The following COG6 variants were observed in gnomAD, a reference collection of about 807,000 sequenced individuals.
COG6 encodes the protein conserved oligomeric Golgi complex subunit 6.
In COG6, 74 loss-of-function variants were observed where a neutral mutation model predicts 88.8. The observed-to-expected ratio is 0.83, with a 90% CI of 0.69 to 1.01. The LOEUF is 1.01. Among genes scored for constraint, COG6 ranks in the 50% least tolerant of loss-of-function variants. The probability of loss-of-function intolerance (pLI) is 0.00; values close to 1 mark genes in which losing one functional copy is unlikely to be tolerated. For synonymous variants in COG6, 286 were observed against 278.7 expected (o/e 1.03, Z -0.26); for missense variants, 800 against 797.9 (o/e 1.00, Z -0.03).
At chr13:39,669,455 C>A (rs1019933171) in intron 4 of COG6, among the ~76,000 whole-genome samples, 5 of 152,136 alleles carry the variant, frequency 3.3e-5, no homozygotes, top group African/African-American at 1.2e-4. Context: ...CAGTTGTTTG[C>A]AACTAATCGT....
At position 39,687,870 on chromosome 13, in the gene COG6, GT is replaced by G. The variant is rs1876756938; in HGVS notation, c.1009+73del. The stretch of plus-strand genomic sequence containing the variant: ...CACAAGCATCTCTGTTTCTGTTCTT[GT>G]TGCCATCTTCTTCACTTAGATAAAC... On this transcript the variant is annotated intron_variant, in intron 10 of 18. Transcript: ENST00000455146. The G allele has an allele frequency of 1.8e-5, 19 of 1,081,200 alleles. No homozygotes were observed. In the South Asian group the frequency reaches 2.5e-4, roughly 14 times the overall value. 67.0% of individuals were successfully genotyped at this position (1,081,200 alleles called of 1,614,324 possible). A position where few individuals can be genotyped will look rare whatever the true frequency, so the allele number is the denominator to read the frequency against.
intron 11 of COG6, among the ~76,000 whole-genome samples, chr13:39,691,393 AT>A (rs1162003973): frequency 6.6e-6 from 1 of 151,956 alleles, no homozygotes; most frequent in Non-Finnish European, 1.5e-5. Flanking sequence ...GTAGGACATT[AT>A]TGTGATCTGC....
chr13:39,695,626 A>T (rs909935021), intron 12 of COG6, among the ~76,000 whole-genome samples: 12 of 151,994 alleles, frequency 7.9e-5, no homozygotes, highest in Non-Finnish European at 1.2e-4. Context: ...AACTGTGGTA[A>T]GGTTATCACC....
At chr13:39,671,979 A>G (rs1210999557) in intron 4 of COG6, among the ~76,000 whole-genome samples, 1 of 151,934 alleles carries the variant, frequency 6.6e-6, no homozygotes, top group African/African-American at 2.4e-5. Flanking sequence ...AAGGCAGTGT[A>G]TTAATGCTCT....
At chr13:39,678,163 C>G (rs1407133419) in intron 5 of COG6, 1 of 398,652 alleles carries the variant, frequency 2.5e-6, no homozygotes, top group African/African-American at 2.1e-5. Flanking sequence ...ACCTCCCAGG[C>G]TCAAGTGATC....
At chr13:39,712,248 CTTATGGATCCCA>C (rs969609469) in intron 13 of COG6, among the ~76,000 whole-genome samples, 7 of 152,046 alleles carry the variant, frequency 4.6e-5, no homozygotes, top group African/African-American at 1.4e-4. Context: ...TAATACTGTA[CTTATGGATCCCA>C]TTCTTCCACG....
At chr13:39,727,722 G>T (rs907061244) in intron 18 of COG6, among the ~76,000 whole-genome samples, 174 bp downstream of exon 18, 1 of 152,042 alleles carries the variant, frequency 6.6e-6, no homozygotes, top group Non-Finnish European at 1.5e-5. Flanking sequence ...GAACATGTCT[G>T]TACTTATTCC....
At chr13:39,663,160 T>C (rs967126324) in intron 3 of COG6, among the ~76,000 whole-genome samples, 3 of 151,944 alleles carry the variant, frequency 2.0e-5, no homozygotes, top group Non-Finnish European at 2.9e-5. Flanking sequence ...TTAAGATAAA[T>C]GGAGATTGAG....
At chr13:39,697,604 C>T (rs923157241) in intron 12 of COG6, among the ~76,000 whole-genome samples, 1 of 152,054 alleles carries the variant, frequency 6.6e-6, no homozygotes, top group East Asian at 1.9e-4. Context: ...TAAGAGAACT[C>T]AACATTGCAT....
chr13:39,747,109 A>G (rs1282238751), intron 18 of COG6, among the ~76,000 whole-genome samples: 1 of 152,224 alleles, frequency 6.6e-6, no homozygotes, highest in African/African-American at 2.4e-5. Context: ...CAAGGCAACA[A>G]TAAGTGGCAG....
chr13:39,709,871 T>C (rs1446864263), intron 13 of COG6, among the ~76,000 whole-genome samples: 1 of 152,202 alleles, frequency 6.6e-6, no homozygotes, highest in Non-Finnish European at 1.5e-5. Flanking sequence ...CAGCACCATT[T>C]ATTGTAAAGG....
chr13:39,706,673 TA>T (rs1398289253), intron 13 of COG6, among the ~76,000 whole-genome samples: 1 of 151,806 alleles, frequency 6.6e-6, no homozygotes, highest in African/African-American at 2.4e-5. Flanking sequence ...ATGCTTTTTT[TA>T]AAAAAATTAT....
At chr13:39,770,561 C>G (rs1466113328) in intron 18 of COG6, among the ~76,000 whole-genome samples, 1 of 152,210 alleles carries the variant, frequency 6.6e-6, no homozygotes, top group Non-Finnish European at 1.5e-5. Context: ...CCTCACCCTG[C>G]CCCCTGTATT....
chr13:39,687,856 CTGTT>C, intron 10 of COG6, 57 bp downstream of exon 10: 1 of 1,208,464 alleles, frequency 8.3e-7, no homozygotes, highest in South Asian at 1.2e-5. Context: ...ACAAGCATCT[CTGTT>C]TCTGTTCTTG....
chr13:39,747,423 ATTC>A (rs1880404045), intron 18 of COG6, among the ~76,000 whole-genome samples: 1 of 152,054 alleles, frequency 6.6e-6, no homozygotes, highest in African/African-American at 2.4e-5. Flanking sequence ...GCAGTTCCTT[ATTC>A]TTTGCTTTTT....
intron 1 of COG6, among the ~76,000 whole-genome samples, chr13:39,658,029 C>A (rs570914069): frequency 2.0e-5 from 3 of 149,214 alleles, no homozygotes; most frequent in Non-Finnish European, 4.4e-5. Flanking sequence ...CCCAGTCAAG[C>A]AAGAAGCATA....
At chr13:39,727,245 T>G (rs1280134127) in intron 17 of COG6, among the ~76,000 whole-genome samples, 1 of 152,062 alleles carries the variant, frequency 6.6e-6, no homozygotes, top group Non-Finnish European at 1.5e-5. Flanking sequence ...GGATTCAGGA[T>G]TTTGAAAGTA....
intron 13 of COG6, among the ~76,000 whole-genome samples, chr13:39,715,755 AT>A (rs1317859456): frequency 4.6e-5 from 7 of 152,062 alleles, no homozygotes; most frequent in Non-Finnish European, 1.0e-4. Context: ...GTCACCCTGA[AT>A]TGACTGTTAT....
Position 39,687,759 on chromosome 13 carries a change from G to A in COG6, c.969G>A (p.Lys323=). ...AWLHQATASE[K]EHLEALLKHV... ...TCCATCAAGCTACTGCTTCTGAAAAGGAACACCTTGAAGCTCTCTTAAAGC... is the reference window on the plus strand; with the variant it reads ...TCCATCAAGCTACTGCTTCTGAAAAAGAACACCTTGAAGCTCTCTTAAAGC... The change falls in exon 10 of 19, where the codon AAG becomes AAA. Residue 323 remains lysine (K), a synonymous_variant. Coordinates refer to ENST00000455146, the MANE Select transcript of COG6 (RefSeq NM_020751.3). 1.9e-6 allele frequency: 3 copies of A among 1,614,034 alleles called. No homozygotes were observed. In the East Asian group the frequency reaches 6.7e-5, roughly 36 times the overall value.
Sources: gnomAD v4.1 joint callset for allele counts (sites outside exome capture counted in the v4.1 genomes callset) on GRCh38, gnomAD v4.1.1 for gene constraint, MANE v1.5 for transcripts, NCBI Gene and HGNC (gene_info 2026-07-23, HGNC 2026-07-21) for gene names.